The following GAK variants were observed in gnomAD, a reference collection of about 807,000 sequenced individuals.
GAK encodes cyclin-G-associated kinase.
In GAK, 79 loss-of-function variants were observed where a neutral mutation model predicts 143.9. That is an observed-to-expected ratio of 0.55 (90% CI 0.46 to 0.66). The LOEUF (loss-of-function observed/expected upper bound fraction) is 0.66, where lower values mean the gene tolerates loss of function less well. Among genes scored for constraint, GAK ranks in the 30% least tolerant of loss-of-function variants. GAK has a pLI of 0.00. For missense variants in GAK, 1,693 were observed against 1,779.7 expected, an observed-to-expected ratio of 0.95 and a Z score of 0.88; for synonymous variants, 881 against 765.5, an observed-to-expected ratio of 1.15 and a Z score of -2.49.
chr4:892,825 C>T (rs1717935633), intron 9 of GAK, among the ~76,000 whole-genome samples: 1 of 152,220 alleles, frequency 6.6e-6, no homozygotes, highest in Admixed American at 6.5e-5. Context: ...GGGGAAGAAT[C>T]TAGAAAGGCG....
intron 23 of GAK, among the ~76,000 whole-genome samples, chr4:863,774 C>T (rs1750683922): frequency 6.6e-6 from 1 of 152,242 alleles, no homozygotes; most frequent in Non-Finnish European, 1.5e-5. Context: ...CCTGTAATCC[C>T]AGCACTTTGG....
rs1481840489 is a variant in GAK at position 932,085 on chromosome 4, G to T, written c.103C>A (p.Leu35Met). The T allele has an allele frequency of 1.9e-6, 3 of 1,603,462 alleles. No individual in the cohort carries two copies. The highest frequency in any genetic ancestry group is 2.7e-5 in the African/African-American group (2 of 74,538). The change falls in exon 1 of 28, where the codon CTG becomes ATG. Residue 35 changes from leucine (L) to methionine (M), a missense_variant. Leu to Met is a conservative substitution (Grantham distance 15, BLOSUM62 2). Transcript: ENST00000314167. The surrounding 1 kb of genome is among the most constrained non-coding windows in gnomAD (Gnocchi z 4.0). ...QSDFVGQTVE[L>M]GELRLRVRRV... is the part of the protein sequence containing the mutation. ...CGCACCCGCAGCCGCAGCTCGCCCAGTTCCACCGTCTGCCCCACGAAGTCA... is the reference window on the plus strand; with the variant it reads ...CGCACCCGCAGCCGCAGCTCGCCCATTTCCACCGTCTGCCCCACGAAGTCA...
Position 849,520 on chromosome 4 carries a change from G to C in GAK, c.*153C>G. On this transcript the variant is annotated 3_prime_UTR_variant, in exon 28 of 28. Coordinates refer to ENST00000314167, the MANE Select transcript of GAK (RefSeq NM_005255.4). ...AGGCTTTGGAATGCTTTCTCTTCAT[G>C]TGCCTGGAACGCTGGGCGGGCGGTG... 4 of 610,376 alleles carry C rather than the reference G, an allele frequency of 6.6e-6. No individual in the cohort carries two copies. In the South Asian group the frequency reaches 7.9e-5, roughly 12 times the overall value. 37.8% of individuals were successfully genotyped at this position (610,376 alleles called of 1,614,324 possible).
intron 5 of GAK, among the ~76,000 whole-genome samples, chr4:898,954 C>T (rs747533018): frequency 1.3e-5 from 2 of 152,214 alleles, no homozygotes; most frequent in African/African-American, 2.4e-5. Flanking sequence ...GCTCTGATAA[C>T]AGGGCATGGG....
At position 859,627 on chromosome 4, in the gene GAK, C is replaced by A; in HGVS notation, c.3262G>T (p.Asp1088Tyr). 6.3e-7 allele frequency: 1 copy of A among 1,599,034 alleles called. No individual in the cohort carries two copies. Among genetic ancestry groups the A allele is most frequent in the Non-Finnish European group, 8.6e-7 (1 of 1,167,400 alleles). Residue 1088 changes from aspartate to tyrosine, a missense_variant, in exon 24 of 28, where the codon GAC becomes TAC. Asp to Tyr is a radical substitution (Grantham distance 160). This residue lies in a region of GAK where 822 missense variants were observed against 788.7 expected (regional missense o/e 1.04). Coordinates refer to ENST00000314167, the MANE Select transcript of GAK (RefSeq NM_005255.4). ...TTACCTTGGAGGCCGGAGCTGAGGT[C>A]GCCAAGGTCAGCAAATGGGTCCGGG... ...QNPDPFADLG[D>Y]LSSGLQGSPA... is the part of the protein sequence containing the mutation.
intron 1 of GAK, among the ~76,000 whole-genome samples, chr4:916,570 A>G (rs769848160): frequency 1.3e-5 from 2 of 152,198 alleles, no homozygotes; most frequent in Non-Finnish European, 2.9e-5. Flanking sequence ...CACATCACCA[A>G]AGATATACTT....
intron 24 of GAK, among the ~76,000 whole-genome samples, chr4:857,345 A>G (rs1261258134): frequency 6.6e-6 from 1 of 152,164 alleles, no homozygotes; most frequent in Non-Finnish European, 1.5e-5. Context: ...AATCAATTAG[A>G]AAGTGCTCCG....
chr4:873,525 G>C (rs887035155), intron 18 of GAK, among the ~76,000 whole-genome samples: 4 of 151,810 alleles, frequency 2.6e-5, no homozygotes, highest in Non-Finnish European at 4.4e-5. Context: ...TCCTGTTCTT[G>C]TCTACCTGTT....
Position 851,075 on chromosome 4 carries a change from G to A in GAK, c.3518C>T (p.Pro1173Leu), listed in dbSNP as rs976926775. ...TTCAAAGTCGTTCTCAGAGACTTTT[G>A]GCTTTTGAGCTAGAAAAGAACAGAA... ...GVRAPSFAQK[P>L]KVSENDFEDL... Residue 1173 changes from proline to leucine, a missense_variant, in exon 26 of 28, where the codon CCA becomes CTA. Around this residue, in one of 2 missense-constraint regions of GAK, gnomAD observed 822 missense variants for 788.7 expected, o/e 1.04. Transcript: ENST00000314167. 6.2e-7 allele frequency: 1 copy of A among 1,613,460 alleles called. No homozygotes were observed. Among genetic ancestry groups the A allele is most frequent in the Non-Finnish European group, 8.5e-7 (1 of 1,179,656 alleles).
At position 904,629 on chromosome 4, in the gene GAK, G is replaced by A. The variant is rs1720730335; in HGVS notation, c.525+8C>T. On this transcript the variant is annotated splice_region_variant and intron_variant, in intron 5 of 27. Transcript: ENST00000314167. ...GCCTTGGCAGCCGCGTGTGGAGGGA[G>A]CCACTACCTTGAGGTCCCTGTGGAT... 1.9e-6 allele frequency: 3 copies of A among 1,570,870 alleles called. No homozygotes were observed. Among genetic ancestry groups the A allele is most frequent in the Non-Finnish European group, 1.7e-6 (2 of 1,157,526 alleles).
rs1304955188 is a variant in GAK at position 889,049 on chromosome 4, GCCCCAGGCGCTCGGTCCCACCT to G, written c.1082-101_1082-80del. The G allele has an allele frequency of 1.0e-4, 152 of 1,474,660 alleles. No homozygotes were observed. In the East Asian group the frequency reaches 1.4e-3, roughly 13 times the overall value. The allele number at this position is 1,474,660 out of a possible 1,614,324, so 91.3% of individuals were successfully genotyped here. On this transcript the variant is annotated intron_variant, in intron 10 of 27. Coordinates refer to ENST00000314167, the MANE Select transcript of GAK (RefSeq NM_005255.4). Reference sequence around the variant, plus strand: ...GGTGCGGGTTGCTGGCTGGGCCCAGGCCCCAGGCGCTCGGTCCCACCTCCCCAGGCGCTCGGTCCCACCTCCC... The same window carrying G: ...GGTGCGGGTTGCTGGCTGGGCCCAGGCCCCAGGCGCTCGGTCCCACCTCCC...
chr4:894,137 A>T, intron 7 of GAK, 128 bp from the exon 8 acceptor site: 1 of 1,120,008 alleles, frequency 8.9e-7, no homozygotes, highest in East Asian at 2.9e-5. Context: ...AGCCGTGGGG[A>T]GCGCAGGGGT....
rs545820814 is a variant in GAK at position 868,679 on chromosome 4, G to A, written c.2255C>T (p.Pro752Leu). ...QQDILSKFGK[P>L]ELPRQPGSTA... ...GGAGCCAGGCTGCCGGGGAAGCTCC[G>A]GCTTCCCTGCAGGAGAGGGAGGGCG... Residue 752 changes from proline to leucine, a missense_variant, in exon 20 of 28, where the codon CCG (proline) becomes CTG (leucine). This residue lies in a region of GAK where 822 missense variants were observed against 788.7 expected (regional missense o/e 1.04). Coordinates refer to ENST00000314167, the MANE Select transcript of GAK (RefSeq NM_005255.4). 2.0e-5 allele frequency: 31 copies of A among 1,550,396 alleles called. No individual in the cohort carries two copies. In the East Asian group the frequency reaches 3.2e-4, roughly 16 times the overall value.
chr4:878,489 A>C (rs1401307416), intron 15 of GAK, among the ~76,000 whole-genome samples: 1 of 150,976 alleles, frequency 6.6e-6, no homozygotes, highest in Non-Finnish European at 1.5e-5. Context: ...TGCATTTGAA[A>C]GAAATAAATG....
intron 4 of GAK, 41 bp downstream of exon 4, chr4:911,632 C>T: frequency 7.0e-7 from 1 of 1,428,358 alleles, no homozygotes. Context: ...CCGGCCTCTG[C>T]TGGGTTAGAT....
intron 7 of GAK, chr4:894,950 AGCCT>A (rs1718475325): frequency 6.6e-6 from 1 of 152,156 alleles, no homozygotes; most frequent in East Asian, 1.9e-4. Context: ...ACTGCCCTCC[AGCCT>A]AGCAACAAAG....
In GAK at chr4:907,269, C is replaced by T. The variant is rs183777553; in HGVS notation, c.383-2490G>A. Among the ~76,000 whole-genome samples, 190 of 152,358 alleles carry T rather than the reference C, an allele frequency of 1.2e-3. No individual in the cohort carries two copies. In the Middle Eastern group the frequency reaches 0.024, roughly 19 times the overall value. On this transcript the variant is annotated intron_variant, in intron 4 of 27. Transcript: ENST00000314167. ...CAGCTGAGGGGCCCTCCCACTCCCC[C>T]AGCTCTGCCGGCCCTGGCCCTCAAC...
intron 23 of GAK, among the ~76,000 whole-genome samples, chr4:861,983 G>A (rs1327008353): frequency 1.3e-5 from 2 of 152,248 alleles, no homozygotes; most frequent in Non-Finnish European, 2.9e-5. Context: ...TCTCTGCAAC[G>A]TACAAGTGCA....
intron 23 of GAK, among the ~76,000 whole-genome samples, chr4:863,444 C>T (rs570237418): frequency 5.3e-5 from 8 of 152,282 alleles, no homozygotes; most frequent in Admixed American, 2.6e-4. Context: ...TTTGGGAGGA[C>T]GGAAGAAGCT....
Sources: allele counts gnomAD v4.1 joint callset (sites outside exome capture counted in the v4.1 genomes callset), GRCh38; gene constraint gnomAD v4.1.1; regional missense constraint gnomAD v4.1.1; non-coding constraint Gnocchi (gnomAD v3.1); transcripts MANE v1.5; gene names NCBI Gene and HGNC (gene_info 2026-07-23, HGNC 2026-07-21).